HPF1: variants seen among roughly 807,000 people sequenced by gnomAD.
HPF1 encodes histone PARylation factor 1.
A neutral mutation model predicts 38.8 loss-of-function variants in HPF1; 35 were observed. That is an observed-to-expected ratio of 0.90 (90% confidence interval 0.69 to 1.19). The LOEUF (loss-of-function observed/expected upper bound fraction) is 1.19, where lower values mean the gene tolerates loss of function less well. Among genes scored for constraint, HPF1 ranks in the 50% most tolerant of loss-of-function variants. The probability of loss-of-function intolerance (pLI) is 0.00; values close to 1 mark genes in which losing one functional copy is unlikely to be tolerated. For missense variants in HPF1, 367 were observed against 405.8 expected (o/e 0.90, Z 0.82); for synonymous variants, 115 against 139.2 (o/e 0.83, Z 1.22).
intron 5 of HPF1, among the ~76,000 whole-genome samples, chr4:169,738,222 T>C (rs1033183386): frequency 5.9e-5 from 9 of 152,198 alleles, no homozygotes; most frequent in Non-Finnish European, 1.3e-4. Flanking sequence ...TTACCTGGAA[T>C]ATTTAGGCTT....
At chr4:169,733,275 G>C (rs1733852529) in intron 6 of HPF1, among the ~76,000 whole-genome samples, 1 of 152,178 alleles carries the variant, frequency 6.6e-6, no homozygotes, top group African/African-American at 2.4e-5. Context: ...TGGCTTTCAA[G>C]ATTTTTTTCA....
Position 169,729,625 on chromosome 4 carries a change from G to A in HPF1, c.994C>T (p.His332Tyr), listed in dbSNP as rs1215204679. The change falls in exon 8 of 8, where the codon CAT becomes TAT. Residue 332 changes from histidine (H) to tyrosine (Y), a missense_variant. By Grantham distance (83) the His-to-Tyr change is moderately conservative. Transcript: ENST00000393381. The stretch of plus-strand genomic sequence containing the variant: ...TTCTCTTGACTTCTGTTTGCCAGAT[G>A]CTCCTCAATAATTTCTGCAAACAGA... ...RNLFAEIIEE[H>Y]LANRSQENID... 1 of 1,589,064 alleles carries A rather than the reference G, an allele frequency of 6.3e-7. No individual in the cohort carries two copies.
chr4:169,754,595 C>T (rs578192704), intron 1 of HPF1, among the ~76,000 whole-genome samples: 3 of 151,758 alleles, frequency 2.0e-5, no homozygotes, highest in East Asian at 1.9e-4. Context: ...TTGGAAGTTA[C>T]GTATGTTTAG....
chr4:169,742,045 T>C lies in HPF1; in HGVS notation c.560A>G (p.Asn187Ser). The C allele has an allele frequency of 1.2e-6, 2 of 1,610,876 alleles. No homozygotes were observed. The change falls in exon 5 of 8, where the codon AAC (asparagine) becomes AGC (serine). Residue 187 changes from asparagine (N) to serine (S), a missense_variant. Physicochemically the swap from Asn to Ser is conservative, Grantham distance 46 (BLOSUM62 1). Coordinates refer to ENST00000393381, the MANE Select transcript of HPF1 (RefSeq NM_017867.3). The part of the protein sequence containing the change: ...TDKKKINLLK[N>S]IDEKLTEAAR... ...TGCTTCTGTGAGTTTTTCATCTATG[T>C]TTTTCAAGAGATTGATTTTCTTTTT... is the stretch of plus-strand genomic sequence containing the variant.
intron 5 of HPF1, among the ~76,000 whole-genome samples, chr4:169,738,705 G>A (rs1162935281): frequency 6.6e-6 from 1 of 152,180 alleles, no homozygotes; most frequent in Non-Finnish European, 1.5e-5. Context: ...TGAAGTCATT[G>A]TCTTCTATCT....
chr4:169,752,607 C>G (rs368324639), intron 2 of HPF1, among the ~76,000 whole-genome samples: 30 of 152,136 alleles, frequency 2.0e-4, no homozygotes, highest in Non-Finnish European at 4.1e-4. Flanking sequence ...CTAATGGTAG[C>G]ATACTCTATA....
intron 6 of HPF1, among the ~76,000 whole-genome samples, chr4:169,736,718 A>G (rs938940944): frequency 3.2e-4 from 49 of 152,306 alleles, no homozygotes; most frequent in African/African-American, 1.1e-3. Context: ...GGGCAGGAAT[A>G]TGTGGTTCTT....
chr4:169,743,058 G>A lies in HPF1; in HGVS notation c.498-951C>T, dbSNP rs760735115. On this transcript the variant is annotated intron_variant, in intron 4 of 7. Transcript: ENST00000393381. ...AGAGGTTGCAGCCATCCAGTCAGCC[G>A]AGATCGTGCCACTGCACTTCAGCCT... Among the ~76,000 whole-genome samples, 5 of 151,608 alleles carry A rather than the reference G, an allele frequency of 3.3e-5. No individual in the cohort carries two copies. The South Asian group carries it at 6.3e-4, about 19-fold the overall frequency.
Position 169,731,685 on chromosome 4 carries a change from G to A in HPF1, c.909+19C>T. ...GGAGGTGTGGCAGTGGGTAGAAGGT[G>A]GAGGGTTTTTTTACTCACATGTGAG... On this transcript the variant is annotated intron_variant, in intron 7 of 7. Transcript: ENST00000393381. The A allele has an allele frequency of 1.3e-6, 2 of 1,501,330 alleles. No homozygotes were observed. The highest frequency in any genetic ancestry group is 1.8e-6 in the Non-Finnish European group (2 of 1,129,432). 93.0% of individuals were successfully genotyped at this position (1,501,330 alleles called of 1,614,324 possible). A position where few individuals can be genotyped will look rare whatever the true frequency, so the allele number is the denominator to read the frequency against.
At chr4:169,757,108 C>T (rs1446397547) in intron 1 of HPF1, among the ~76,000 whole-genome samples, 1 of 152,148 alleles carries the variant, frequency 6.6e-6, no homozygotes, top group African/African-American at 2.4e-5. Flanking sequence ...GTAGTGGTTA[C>T]AGAACTTCCG....
chr4:169,731,143 TTTGATC>T (rs1394543320), intron 7 of HPF1, among the ~76,000 whole-genome samples: 1 of 152,252 alleles, frequency 6.6e-6, no homozygotes, highest in Admixed American at 6.5e-5. Flanking sequence ...TTATTGCCTC[TTTGATC>T]TTCAGGCAAC....
chr4:169,753,657 T>A lies in HPF1; in HGVS notation c.208+19A>T, dbSNP rs1734148148. On this transcript the variant is annotated intron_variant, in intron 2 of 7. Coordinates refer to ENST00000393381, the MANE Select transcript of HPF1 (RefSeq NM_017867.3). ...ATTACTCTTTCCATTAATACAAGAA[T>A]GATTCTGGAGCAACTCACCAGATGG... is the stretch of plus-strand genomic sequence containing the variant. 1 of 1,601,636 alleles carries A rather than the reference T, an allele frequency of 6.2e-7. No individual in the cohort carries two copies.
chr4:169,733,894 CAAAA>C (rs35974645), intron 6 of HPF1, among the ~76,000 whole-genome samples: 7 of 122,334 alleles, frequency 5.7e-5, no homozygotes, highest in Admixed American at 8.0e-5. Context: ...GACCCTGTCT[CAAAA>C]AAAAAAAAAA....
At chr4:169,736,950 G>C (rs557299174) in intron 6 of HPF1, among the ~76,000 whole-genome samples, 1 of 152,166 alleles carries the variant, frequency 6.6e-6, no homozygotes, top group Non-Finnish European at 1.5e-5. Flanking sequence ...CGTAGTTCAG[G>C]ATCTTGGGCT....
intron 3 of HPF1, among the ~76,000 whole-genome samples, chr4:169,749,434 AT>A (rs1381963019): frequency 6.6e-6 from 1 of 152,148 alleles, no homozygotes; most frequent in African/African-American, 2.4e-5. Flanking sequence ...GGATGATTAC[AT>A]TGTAGTGGTA....
At position 169,734,624 on chromosome 4, in the gene HPF1, C is replaced by T. The variant is rs1221122771; in HGVS notation, c.737-2748G>A. Among the ~76,000 whole-genome samples, 3 of 152,110 alleles carry T rather than the reference C, an allele frequency of 2.0e-5. No homozygotes were observed. In the East Asian group the frequency reaches 5.8e-4, roughly 29 times the overall value. On this transcript the variant is annotated intron_variant, in intron 6 of 7. Transcript: ENST00000393381. Reference sequence around the variant, plus strand: ...CCAAACTTAAAGAACATGAGTGAAGCCTTAAGTTAACTATTCAAAAATGAT... The same window carrying T: ...CCAAACTTAAAGAACATGAGTGAAGTCTTAAGTTAACTATTCAAAAATGAT...
intron 4 of HPF1, among the ~76,000 whole-genome samples, chr4:169,744,472 A>C (rs1438739812): frequency 6.6e-6 from 1 of 152,204 alleles, no homozygotes; most frequent in Non-Finnish European, 1.5e-5. Context: ...ATAACCATGA[A>C]CGTGAACATT....
rs565518492 is a variant in HPF1, at chr4:169,744,020, A to T, written c.498-1913T>A. Among the ~76,000 whole-genome samples, 67 of 152,320 alleles carry T rather than the reference A, an allele frequency of 4.4e-4. 1 individual carries two copies. The highest frequency in any genetic ancestry group is 7.6e-4 in the Non-Finnish European group (52 of 68,028). On this transcript the variant is annotated intron_variant, in intron 4 of 7. Coordinates refer to ENST00000393381, the MANE Select transcript of HPF1 (RefSeq NM_017867.3). ...TCAAAATCTAACTTCTGATTACAGC[A>T]CACGGTTACACTAAATCTTACCTTC...
intron 2 of HPF1, among the ~76,000 whole-genome samples, chr4:169,751,174 G>C (rs1734114172): frequency 1.3e-5 from 2 of 152,156 alleles, no homozygotes; most frequent in African/African-American, 2.4e-5. Flanking sequence ...GGCAGGCTGA[G>C]GCGGGCTGAT....
Sources: allele counts gnomAD v4.1 joint callset (sites outside exome capture counted in the v4.1 genomes callset), GRCh38; gene constraint gnomAD v4.1.1; transcripts MANE v1.5; gene names NCBI Gene and HGNC (gene_info 2026-07-23, HGNC 2026-07-21).